Variants in CSMD1 observed in about 807,000 individuals in gnomAD.
CSMD1 encodes CUB and Sushi multiple domains 1, also known as CUB and sushi domain-containing protein 1.
In CSMD1, 213 loss-of-function variants were observed where a neutral mutation model predicts 417.5. That is an observed-to-expected ratio of 0.51 (90% CI 0.46 to 0.57). The LOEUF (loss-of-function observed/expected upper bound fraction) is 0.57, where lower values mean the gene tolerates loss of function less well. CSMD1 is among the 20% of genes least tolerant of loss of function. CSMD1 has a pLI of 0.00. For missense variants in CSMD1, 6,923 were observed against 4,529.7 expected (o/e 1.53, Z -15.17); for synonymous variants, 2,862 against 1,736.8 (o/e 1.65, Z -16.11).
chr8:3,677,354 T>A (rs55988859), intron 7 of CSMD1, among the ~76,000 whole-genome samples: 21,128 of 152,182 alleles, frequency 0.14, 1,653 homozygotes, highest in South Asian at 0.21. Flanking sequence ...AATTCTTGAA[T>A]AAATAAGCAG....
rs183136773 is a variant in CSMD1, at chr8:4,354,385, C to T, written c.415+65568G>A. On this transcript the variant is annotated intron_variant, in intron 3 of 69. Coordinates refer to ENST00000635120, the MANE Select transcript of CSMD1 (RefSeq NM_033225.6). Reference sequence around the variant, plus strand: ...ATTCACAAACCTGGTCATTTCGTAACTATTAAAATACACCGTTCCCCAACA... The same window carrying T: ...ATTCACAAACCTGGTCATTTCGTAATTATTAAAATACACCGTTCCCCAACA... Among the ~76,000 whole-genome samples, 7 of 152,274 alleles carry T rather than the reference C, an allele frequency of 4.6e-5. No individual in the cohort carries two copies. The East Asian group carries it at 1.4e-3, about 29-fold the overall frequency.
At chr8:3,145,267 A>C (rs761091243) in intron 40 of CSMD1, among the ~76,000 whole-genome samples, 1 of 152,182 alleles carries the variant, frequency 6.6e-6, no homozygotes, top group Non-Finnish European at 1.5e-5. Flanking sequence ...CAGAAGGAAA[A>C]CCGGGGCCAG....
intron 42 of CSMD1, 118 bp downstream of exon 42, chr8:3,118,281 T>C (rs564832568): frequency 1.3e-6 from 1 of 747,754 alleles, no homozygotes; most frequent in South Asian, 1.9e-5. Context: ...ACATAATAGA[T>C]TCTCAACGAA....
intron 63 of CSMD1, among the ~76,000 whole-genome samples, chr8:2,957,203 T>C (rs531780551): frequency 3.9e-5 from 6 of 152,334 alleles, no homozygotes; most frequent in East Asian, 1.9e-4. Context: ...CTTCCTGTTA[T>C]AGCAAGAATA....
rs112877870 is a variant in CSMD1 at position 4,933,427 on chromosome 8, T to C, written c.85+60905A>G. Among the ~76,000 whole-genome samples, 1,359 of 152,314 alleles carry C rather than the reference T, an allele frequency of 8.9e-3. 23 individuals carry two copies. The highest frequency in any genetic ancestry group is 0.028 in the African/African-American group (1,143 of 41,554). The stretch of plus-strand genomic sequence containing the variant: ...GGGAAAAAAGTCATATTTTGGGTCT[T>C]TGTGTCAAGATAAAGAAAATTAATT... On this transcript the variant is annotated intron_variant, in intron 1 of 69. Transcript: ENST00000635120.
At chr8:4,360,500 G>A (rs904572335) in intron 3 of CSMD1, among the ~76,000 whole-genome samples, 1 of 152,038 alleles carries the variant, frequency 6.6e-6, no homozygotes, top group African/African-American at 2.4e-5. Flanking sequence ...GTTCCTCCCA[G>A]GTTCTTTGAG....
At chr8:4,857,498 A>C (rs1801873438) in intron 1 of CSMD1, among the ~76,000 whole-genome samples, 2 of 152,206 alleles carry the variant, frequency 1.3e-5, no homozygotes, top group South Asian at 2.1e-4. Flanking sequence ...TGAAAGGATC[A>C]ACAAAATTGA....
At chr8:4,343,298 C>G (rs1272455181) in intron 3 of CSMD1, among the ~76,000 whole-genome samples, 1 of 151,856 alleles carries the variant, frequency 6.6e-6, no homozygotes, top group South Asian at 2.1e-4. Flanking sequence ...GAGATATTGG[C>G]CAAAGGGTAC....
intron 54 of CSMD1, among the ~76,000 whole-genome samples, chr8:2,995,763 C>A (rs138693477): frequency 1.3e-5 from 2 of 152,036 alleles, no homozygotes; most frequent in African/African-American, 4.8e-5. Context: ...GATGAATCTC[C>A]GGAAAATTAT....
intron 1 of CSMD1, among the ~76,000 whole-genome samples, chr8:4,650,412 G>A (rs1027309855): frequency 1.8e-4 from 27 of 147,956 alleles, no homozygotes; most frequent in Non-Finnish European, 1.5e-5. Flanking sequence ...ATTTGCCACT[G>A]TAATTGATCT....
intron 5 of CSMD1, among the ~76,000 whole-genome samples, chr8:3,848,937 T>A (rs1803692544): frequency 6.7e-6 from 1 of 149,986 alleles, no homozygotes; most frequent in African/African-American, 2.5e-5. Flanking sequence ...CATATATATA[T>A]GATATATATA....
intron 5 of CSMD1, among the ~76,000 whole-genome samples, chr8:3,942,588 G>C (rs558055049): frequency 1.3e-5 from 2 of 152,148 alleles, no homozygotes; most frequent in African/African-American, 4.8e-5. Context: ...GATAGATGTA[G>C]TTTTTCCTCT....
chr8:4,953,641 G>C (rs540841572), intron 1 of CSMD1, among the ~76,000 whole-genome samples: 3 of 152,206 alleles, frequency 2.0e-5, no homozygotes, highest in East Asian at 3.9e-4. Context: ...GAAATACACA[G>C]AAGCAGTCAG....
intron 2 of CSMD1, among the ~76,000 whole-genome samples, chr8:4,494,700 G>A (rs779543709): frequency 1.3e-5 from 2 of 152,042 alleles, no homozygotes; most frequent in Non-Finnish European, 2.9e-5. Flanking sequence ...AGAAGCCTTT[G>A]AATTCCAGTC....
Position 3,983,135 on chromosome 8 carries a change from C to CTTTCTTTT in CSMD1, c.818+14767_818+14768insAAAAGAAA, listed in dbSNP as rs1554506675. On this transcript the variant is annotated intron_variant, in intron 5 of 69. Coordinates refer to ENST00000635120, the MANE Select transcript of CSMD1 (RefSeq NM_033225.6). ...TATGCATCCTCCCACATCTTTCTTT[C>CTTTCTTTT]TTTTTTTTTTTTTGAGACGGACTCT... Among the ~76,000 whole-genome samples the CTTTCTTTT allele has an allele frequency of 4.1e-3, 551 of 133,520 alleles. 6 individuals are homozygous for CTTTCTTTT. The highest frequency in any genetic ancestry group is 0.015 in the African/African-American group (520 of 34,526). The allele number at this position is 133,520 out of a possible 152,430, so 87.6% of individuals were successfully genotyped here. A position where few individuals can be genotyped will look rare whatever the true frequency, so the allele number is the denominator to read the frequency against.
chr8:4,979,187 G>T (rs574655570), intron 1 of CSMD1, among the ~76,000 whole-genome samples: 1 of 152,134 alleles, frequency 6.6e-6, no homozygotes, highest in Non-Finnish European at 1.5e-5. Context: ...GAACTAGGAG[G>T]ACACATCTCA....
At chr8:3,086,370 TA>T (rs1016090501) in intron 49 of CSMD1, among the ~76,000 whole-genome samples, 4 of 152,110 alleles carry the variant, frequency 2.6e-5, no homozygotes, top group African/African-American at 9.7e-5. Context: ...GCACCTACAA[TA>T]ACTGTGATAA....
intron 7 of CSMD1, among the ~76,000 whole-genome samples, chr8:3,617,600 T>A (rs1487430761): frequency 6.6e-6 from 1 of 152,216 alleles, no homozygotes; most frequent in Non-Finnish European, 1.5e-5. Flanking sequence ...CATATCTATT[T>A]TACTCTGAAA....
intron 1 of CSMD1, among the ~76,000 whole-genome samples, chr8:4,672,261 A>C (rs1186466374): frequency 6.6e-6 from 1 of 152,130 alleles, no homozygotes; most frequent in Non-Finnish European, 1.5e-5. Flanking sequence ...CATATCAGGA[A>C]GCTTTTGATC....
Sources: allele counts gnomAD v4.1 joint callset (sites outside exome capture counted in the v4.1 genomes callset), GRCh38; gene constraint gnomAD v4.1.1; transcripts MANE v1.5; gene names NCBI Gene and HGNC (gene_info 2026-07-23, HGNC 2026-07-21).